PPARGC1A: variants seen among roughly 807,000 people sequenced by gnomAD.
PPARGC1A encodes the protein peroxisome proliferator-activated receptor gamma coactivator 1-alpha.
A neutral mutation model predicts 88.7 loss-of-function variants in PPARGC1A; 25 were observed. That is an observed-to-expected ratio of 0.28 (90% confidence interval 0.21 to 0.39). The LOEUF is 0.39. PPARGC1A is among the 10% of genes least tolerant of loss of function. The pLI, the probability that PPARGC1A is intolerant of heterozygous loss-of-function variation, is 1.00. For missense variants in PPARGC1A, 880 were observed against 968.7 expected (o/e 0.91, Z 1.22); for synonymous variants, 363 against 355.6 (o/e 1.02, Z -0.24).
the PPARGC1A span, among the ~76,000 whole-genome samples, chr4:24,265,667 G>T: frequency 6.6e-6 from 1 of 152,098 alleles, no homozygotes; most frequent in African/African-American, 2.4e-5. Flanking sequence ...TGTACATGAA[G>T]ATTTTATATA....
chr4:24,243,831 T>C, the PPARGC1A span, among the ~76,000 whole-genome samples: 1 of 152,204 alleles, frequency 6.6e-6, no homozygotes, highest in Admixed American at 6.5e-5. Flanking sequence ...TCACATGGAA[T>C]CATTTTGACT....
chr4:24,163,758 T>C, the PPARGC1A span, among the ~76,000 whole-genome samples: 266 of 152,318 alleles, frequency 1.7e-3, 2 homozygotes, highest in African/African-American at 6.3e-3. Flanking sequence ...CAAAGCTAAA[T>C]ACATGCTTTA....
At chr4:24,051,727 G>A in the PPARGC1A span, among the ~76,000 whole-genome samples, 425 of 152,312 alleles carry the variant, frequency 2.8e-3, 1 homozygote, top group Middle Eastern at 3.4e-3. Flanking sequence ...CTGCTGGTAG[G>A]AAGAGGGGCT....
At chr4:24,242,607 C>A in the PPARGC1A span, among the ~76,000 whole-genome samples, 1 of 152,194 alleles carries the variant, frequency 6.6e-6, no homozygotes, top group Non-Finnish European at 1.5e-5. Context: ...CTCTACTGAT[C>A]TATCTGTCCC....
intron 7 of PPARGC1A, among the ~76,000 whole-genome samples, chr4:23,823,359 C>A (rs111781821): frequency 4.0e-5 from 6 of 151,596 alleles, no homozygotes; most frequent in Non-Finnish European, 7.4e-5. Context: ...ATCAATAGAC[C>A]CCCAAATAGT....
chr4:24,437,610 TTG>T, the PPARGC1A span, among the ~76,000 whole-genome samples: 15 of 145,920 alleles, frequency 1.0e-4, no homozygotes, highest in African/African-American at 4.2e-4. Flanking sequence ...GTTGTTGTTG[TTG>T]TTGTTGTTGT....
chr4:23,867,000 G>C (rs1323702356), intron 2 of PPARGC1A, among the ~76,000 whole-genome samples: 2 of 151,192 alleles, frequency 1.3e-5, no homozygotes, highest in Non-Finnish European at 3.0e-5. Flanking sequence ...CCTACTATGT[G>C]TATCCTTTTT....
the PPARGC1A span, among the ~76,000 whole-genome samples, chr4:24,294,607 T>C: frequency 6.6e-6 from 1 of 152,078 alleles, no homozygotes. Context: ...AAAAAACAAG[T>C]TTGCTGTGGG....
chr4:24,359,035 A>G, the PPARGC1A span, among the ~76,000 whole-genome samples: 1 of 152,196 alleles, frequency 6.6e-6, no homozygotes, highest in African/African-American at 2.4e-5. Flanking sequence ...GTTGGTATTG[A>G]CTTGCCACTG....
chr4:24,461,714 GA>G, the PPARGC1A span, among the ~76,000 whole-genome samples: 5 of 151,986 alleles, frequency 3.3e-5, no homozygotes, highest in South Asian at 2.1e-4. Context: ...TTCATTGAAT[GA>G]AAAAAATTTA....
chr4:23,957,027 C>T, the PPARGC1A span, among the ~76,000 whole-genome samples: 1 of 152,102 alleles, frequency 6.6e-6, no homozygotes, highest in Non-Finnish European at 1.5e-5. Flanking sequence ...AGGATTTTAA[C>T]TCAGGCACTC....
the PPARGC1A span, among the ~76,000 whole-genome samples, chr4:24,103,985 C>A: frequency 1.3e-5 from 2 of 152,262 alleles, no homozygotes; most frequent in South Asian, 4.1e-4. Context: ...AAGATTAAGG[C>A]CGATGAATAA....
the PPARGC1A span, among the ~76,000 whole-genome samples, chr4:24,387,746 A>AAGAGAG: frequency 6.4e-4 from 39 of 61,108 alleles, 1 homozygote; most frequent in Non-Finnish European, 8.3e-4. Flanking sequence ...GAAAGAAAGA[A>AAGAGAG]AGAGAGAGAG....
chr4:23,916,507 T>A, the PPARGC1A span, among the ~76,000 whole-genome samples: 1 of 152,150 alleles, frequency 6.6e-6, no homozygotes, highest in Non-Finnish European at 1.5e-5. Context: ...TGTGTGTTTA[T>A]GAAAACATAA....
the PPARGC1A span, among the ~76,000 whole-genome samples, chr4:24,265,016 A>G: frequency 6.6e-6 from 1 of 152,226 alleles, no homozygotes; most frequent in Non-Finnish European, 1.5e-5. Context: ...TCAACAATGT[A>G]TGACATTGTA....
the PPARGC1A span, among the ~76,000 whole-genome samples, chr4:24,472,208 G>A: frequency 4.6e-5 from 7 of 152,144 alleles, no homozygotes; most frequent in Non-Finnish European, 7.4e-5. The surrounding 1 kb of genome is among the most constrained non-coding windows in gnomAD (Gnocchi z 4.5). Context: ...ATGGGGGAAG[G>A]GGGGGTATCT....
At chr4:23,813,492 G>T (rs567911400) in intron 8 of PPARGC1A, among the ~76,000 whole-genome samples, 198 bp downstream of exon 8, 2 of 152,326 alleles carry the variant, frequency 1.3e-5, no homozygotes, top group East Asian at 3.9e-4. Flanking sequence ...TCAAGGCACT[G>T]TGCTCAGAGG....
At chr4:23,906,179 C>T (rs944182626), upstream of PPARGC1A, among the ~76,000 whole-genome samples, 4 of 152,138 alleles carry the variant, frequency 2.6e-5, no homozygotes, top group African/African-American at 9.7e-5. Context: ...GTCACTGAAG[C>T]ACACCCCCAA....
the PPARGC1A span, among the ~76,000 whole-genome samples, chr4:24,103,403 G>A: frequency 9.3e-5 from 14 of 150,952 alleles, no homozygotes; most frequent in African/African-American, 3.2e-4. Context: ...CACCCAAAAC[G>A]AATGGAAATG....
Sources: allele counts gnomAD v4.1 joint callset (sites outside exome capture counted in the v4.1 genomes callset), GRCh38; gene constraint gnomAD v4.1.1; non-coding constraint Gnocchi (gnomAD v3.1); transcripts MANE v1.5; gene names NCBI Gene and HGNC (gene_info 2026-07-23, HGNC 2026-07-21).